The following NEBL variants were observed in gnomAD, a reference collection of about 807,000 sequenced individuals.
NEBL encodes the protein LIM and SH3 protein 2.
A neutral mutation model predicts 140.2 loss-of-function variants in NEBL; 122 were observed. The observed-to-expected ratio is 0.87, with a 90% CI of 0.75 to 1.01. The LOEUF (loss-of-function observed/expected upper bound fraction) is 1.01. NEBL is among the 50% of genes least tolerant of loss of function. The pLI is 0.00. For synonymous variants in NEBL, 436 were observed against 398.9 expected (o/e 1.09, Z -1.11); for missense variants, 1,365 against 1,231.3 (o/e 1.11, Z -1.62).
rs370831174 is a variant in NEBL, at chr10:21,148,621, G to A, written c.164+23762C>T. On this transcript the variant is annotated intron_variant, in intron 2 of 6. Coordinates refer to the NEBL transcript ENST00000417816. ...GCTCACTGCAACTTCCACCTCCTGC[G>A]TGGAAGCGATTGGCCTGCCTCAGCC... is the stretch of plus-strand genomic sequence containing the variant. Among the ~76,000 whole-genome samples, 288 of 152,202 alleles carry A rather than the reference G, an allele frequency of 1.9e-3. No homozygotes were observed. In the Middle Eastern group the frequency reaches 0.034, roughly 18 times the overall value.
intron 3 of NEBL, among the ~76,000 whole-genome samples, chr10:20,994,183 A>G (rs942383516): frequency 6.6e-6 from 1 of 152,234 alleles, no homozygotes; most frequent in African/African-American, 2.4e-5. Context: ...AATTACGCTG[A>G]CCTGAAAGGA....
intron 2 of NEBL, among the ~76,000 whole-genome samples, chr10:21,026,981 G>A (rs1307416848): frequency 6.6e-6 from 1 of 152,190 alleles, no homozygotes; most frequent in Non-Finnish European, 1.5e-5. Flanking sequence ...TTCACTGGTT[G>A]GCAGTGTTTG....
At chr10:20,854,628 G>A (rs1322387925) in intron 9 of NEBL, among the ~76,000 whole-genome samples, 1 of 150,202 alleles carries the variant, frequency 6.7e-6, no homozygotes, top group Admixed American at 6.6e-5. Context: ...GCAGTGGAGG[G>A]ATCATGGCTC....
intron 3 of NEBL, among the ~76,000 whole-genome samples, chr10:21,243,115 C>G (rs568506839): frequency 2.0e-5 from 3 of 152,116 alleles, no homozygotes; most frequent in African/African-American, 7.2e-5. Context: ...TCTGATGAGT[C>G]TCCACTTAGA....
chr10:21,232,103 A>G (rs1842273012), intron 3 of NEBL, among the ~76,000 whole-genome samples: 1 of 152,060 alleles, frequency 6.6e-6, no homozygotes, highest in Non-Finnish European at 1.5e-5. Flanking sequence ...AGAATAAACT[A>G]TGTTCCAACT....
chr10:21,203,883 C>A (rs1841782872), intron 3 of NEBL, among the ~76,000 whole-genome samples: 1 of 152,162 alleles, frequency 6.6e-6, no homozygotes, highest in African/African-American at 2.4e-5. Flanking sequence ...ATTGCCCACC[C>A]CTACCAGACC....
intron 3 of NEBL, among the ~76,000 whole-genome samples, chr10:21,209,218 T>A (rs1003428615): frequency 1.3e-5 from 2 of 152,172 alleles, no homozygotes; most frequent in Non-Finnish European, 2.9e-5. Flanking sequence ...TTAAAAAGAC[T>A]TTTCTGGAAG....
At chr10:21,002,993 C>T (rs1837970458) in intron 3 of NEBL, among the ~76,000 whole-genome samples, 1 of 115,186 alleles carries the variant, frequency 8.7e-6, no homozygotes, top group Admixed American at 1.1e-4. Flanking sequence ...CAGGTATTTT[C>T]ATTATGTGGC....
At chr10:21,083,878 C>T (rs759461370) in intron 2 of NEBL, among the ~76,000 whole-genome samples, 12 of 152,168 alleles carry the variant, frequency 7.9e-5, no homozygotes, top group Non-Finnish European at 1.6e-4. Flanking sequence ...TACACTCTTA[C>T]AGGTCTGCCT....
rs540050088 is a variant in NEBL at position 20,892,498 on chromosome 10, A to G, written c.154-2549T>C. Among the ~76,000 whole-genome samples, 3 of 152,280 alleles carry G rather than the reference A, an allele frequency of 2.0e-5. No homozygotes were observed. The South Asian group carries it at 6.2e-4, about 32-fold the overall frequency. On this transcript the variant is annotated intron_variant, in intron 2 of 27. Transcript: ENST00000377122. ...GGGCTTTATATGTGGAGGCTGGGGAAACAAAAACCTACTTGTTAAGCCATT... is the reference window on the plus strand; with the variant it reads ...GGGCTTTATATGTGGAGGCTGGGGAGACAAAAACCTACTTGTTAAGCCATT...
intron 3 of NEBL, among the ~76,000 whole-genome samples, chr10:20,982,763 G>A (rs1406010225): frequency 2.0e-5 from 3 of 151,870 alleles, no homozygotes; most frequent in Non-Finnish European, 4.4e-5. Flanking sequence ...TTTTTTTCCA[G>A]TCATTTTAAT....
At chr10:21,067,235 T>A (rs1190685350) in intron 2 of NEBL, among the ~76,000 whole-genome samples, 2 of 152,118 alleles carry the variant, frequency 1.3e-5, no homozygotes, top group Non-Finnish European at 2.9e-5. Context: ...CCTCCCAAAG[T>A]GCTGAGATTA....
intron 3 of NEBL, among the ~76,000 whole-genome samples, chr10:20,989,489 A>T (rs1381796153): frequency 6.6e-6 from 1 of 152,234 alleles, no homozygotes; most frequent in Non-Finnish European, 1.5e-5. Context: ...ATTCCAAAAA[A>T]TGTTTTTTTA....
At chr10:21,201,846 T>C (rs779778417) in intron 3 of NEBL, among the ~76,000 whole-genome samples, 1 of 152,212 alleles carries the variant, frequency 6.6e-6, no homozygotes, top group South Asian at 2.1e-4. Context: ...GCTTCACAAA[T>C]TGCTATTCGT....
intron 3 of NEBL, among the ~76,000 whole-genome samples, chr10:21,244,327 A>C (rs1588557397): frequency 6.9e-6 from 1 of 144,336 alleles, no homozygotes; most frequent in Admixed American, 6.9e-5. Context: ...CACCATGCCC[A>C]GCTAAATTTT....
intron 4 of NEBL, among the ~76,000 whole-genome samples, chr10:20,902,634 A>T (rs1177196217): frequency 6.6e-6 from 1 of 152,186 alleles, no homozygotes; most frequent in Non-Finnish European, 1.5e-5. Context: ...AAGTATTCTC[A>T]ATGTCTACAT....
At chr10:20,990,373 G>A (rs1837412752) in intron 3 of NEBL, among the ~76,000 whole-genome samples, 1 of 152,144 alleles carries the variant, frequency 6.6e-6, no homozygotes, top group Non-Finnish European at 1.5e-5. Flanking sequence ...GCCTTCGGGA[G>A]GTAATTAGAT....
rs1348569295 is a variant in NEBL at position 21,093,157 on chromosome 10, T to TTTTTTTTTTTC, written c.165-72957_165-72956insGAAAAAAAAAA. Among the ~76,000 whole-genome samples the TTTTTTTTTTTC allele has an allele frequency of 1.4e-4, 21 of 146,158 alleles. 1 individual carries two copies. The highest frequency in any genetic ancestry group is 1.3e-3 in the South Asian group (6 of 4,596). On this transcript the variant is annotated intron_variant, in intron 2 of 6. Coordinates refer to the NEBL transcript ENST00000417816. ...ATTCATTTAGCAACAAGTCTTTTTT[T>TTTTTTTTTTTC]TTTTTTTTCCATTTTAGCAGAGCCA... is the stretch of plus-strand genomic sequence containing the variant.
At chr10:21,231,540 A>G (rs1028406526) in intron 3 of NEBL, among the ~76,000 whole-genome samples, 4 of 152,132 alleles carry the variant, frequency 2.6e-5, no homozygotes, top group Admixed American at 6.5e-5. Context: ...CTCTGTCTCA[A>G]AAAAAAACAA....
Sources: gnomAD v4.1 joint callset for allele counts (sites outside exome capture counted in the v4.1 genomes callset) on GRCh38, gnomAD v4.1.1 for gene constraint, MANE v1.5 for transcripts, NCBI Gene and HGNC (gene_info 2026-07-23, HGNC 2026-07-21) for gene names.